DGKD: variants seen among roughly 807,000 people sequenced by gnomAD.
The protein encoded by DGKD is diacylglycerol kinase delta, also known as DAG kinase delta.
A neutral mutation model predicts 154.4 loss-of-function variants in DGKD; 68 were observed. The observed-to-expected ratio is 0.44, with a 90% CI of 0.36 to 0.54. The LOEUF (loss-of-function observed/expected upper bound fraction) is 0.54, where lower values mean the gene tolerates loss of function less well. Among genes scored for constraint, DGKD ranks in the 20% least tolerant of loss-of-function variants. The probability of loss-of-function intolerance (pLI) is 0.00; values close to 1 mark genes in which losing one functional copy is unlikely to be tolerated. For synonymous variants in DGKD, 693 were observed against 638.0 expected, an observed-to-expected ratio of 1.09 and a Z score of -1.30; for missense variants, 1,343 against 1,593.6, an observed-to-expected ratio of 0.84 and a Z score of 2.68.
intron 1 of DGKD, chr2:233,388,023 A>ACACCC (rs1167928831): frequency 1.2e-6 from 1 of 865,030 alleles, no homozygotes; most frequent in Non-Finnish European, 1.6e-6. Context: ...GGGCCTCTTG[A>ACACCC]CACCCCCACC....
chr2:233,380,890 C>T (rs540178375), intron 1 of DGKD, among the ~76,000 whole-genome samples: 27 of 152,148 alleles, frequency 1.8e-4, no homozygotes, highest in East Asian at 7.7e-4. Flanking sequence ...CTCCTCCTGT[C>T]GGTGGAGGCT....
intron 6 of DGKD, 48 bp from the exon 7 acceptor site, chr2:233,436,268 C>T (rs759224250): frequency 2.4e-5 from 38 of 1,610,484 alleles, no homozygotes; most frequent in Admixed American, 1.2e-4. Context: ...CTGCCCTGGA[C>T]GTGGAACCTT....
intron 23 of DGKD, 99 bp from the exon 24 acceptor site, chr2:233,460,095 C>T (rs1240765107): frequency 3.3e-6 from 5 of 1,509,874 alleles, no homozygotes; most frequent in South Asian, 1.4e-5. Flanking sequence ...TCCTATTTGT[C>T]TCTTTCTAGT....
intron 3 of DGKD, among the ~76,000 whole-genome samples, chr2:233,429,732 G>A (rs2062444165): frequency 6.6e-6 from 1 of 152,240 alleles, no homozygotes; most frequent in South Asian, 2.1e-4. Context: ...AACAGCAGCA[G>A]GGCAGAAGGC....
At chr2:233,447,610 T>C (rs950113995) in intron 12 of DGKD, 4 of 986,892 alleles carry the variant, frequency 4.1e-6, no homozygotes, top group Non-Finnish European at 2.4e-6. Context: ...ACCCTGGGGC[T>C]GGGTCCTAAG....
At chr2:233,446,281 A>T (rs1383923424) in intron 11 of DGKD, among the ~76,000 whole-genome samples, 2 of 152,158 alleles carry the variant, frequency 1.3e-5, no homozygotes, top group African/African-American at 4.8e-5. Flanking sequence ...GATGCCTCCT[A>T]GCCTTCCTAG....
At chr2:233,411,379 T>C (rs951075709) in intron 3 of DGKD, among the ~76,000 whole-genome samples, 4 of 152,248 alleles carry the variant, frequency 2.6e-5, no homozygotes. Flanking sequence ...TTTAATTTTA[T>C]GTGTCCTAAT....
In DGKD at chr2:233,445,670, A is replaced by G. The variant is rs1216559861; in HGVS notation, c.1242A>G (p.Arg414=). 3.1e-6 allele frequency: 5 copies of G among 1,613,228 alleles called. No homozygotes were observed. Among genetic ancestry groups the G allele is most frequent in the Non-Finnish European group, 4.2e-6 (5 of 1,179,688 alleles). The change falls in exon 11 of 30, where the codon CGA becomes CGG. Residue 414 remains arginine, a synonymous_variant. Transcript: ENST00000264057. This position sits in a 1 kb window ranked among gnomAD's most constrained non-coding sequence, Gnocchi z 5.5. The part of the protein sequence containing the change: ...LPLGTGNDLA[R]VLGWGSACDD... ...TCGGCACAGGGAACGACTTGGCCCG[A>G]GTACTGGGCTGGGGCTCAGCCTGCG...
At chr2:233,463,993 T>G in intron 26 of DGKD, 171 bp from the exon 27 acceptor site, 15 of 799,942 alleles carry the variant, frequency 1.9e-5, no homozygotes, top group Non-Finnish European at 2.7e-5. Flanking sequence ...ACTTAGAAAG[T>G]GAGGTTCTGG....
chr2:233,458,243 G>A lies in DGKD; in HGVS notation c.2581-41G>A, dbSNP rs1352996305. On this transcript the variant is annotated intron_variant, in intron 21 of 29. Transcript: ENST00000264057. This position sits in a 1 kb window ranked among gnomAD's most constrained non-coding sequence, Gnocchi z 6.6. The stretch of plus-strand genomic sequence containing the variant: ...AGGGTAGGGGCGGCCTGTGCTCGGG[G>A]ATGTGTGGAGTGGTGGTCAGCTCTA... The A allele has an allele frequency of 7.2e-7, 1 of 1,391,730 alleles. No homozygotes were observed. Among genetic ancestry groups the A allele is most frequent in the East Asian group, 2.3e-5 (1 of 43,230 alleles). The allele number at this position is 1,391,730 out of a possible 1,614,324, so 86.2% of individuals were successfully genotyped here. A position where few individuals can be genotyped will look rare whatever the true frequency, so the allele number is the denominator to read the frequency against.
intron 3 of DGKD, among the ~76,000 whole-genome samples, chr2:233,413,603 C>T (rs953306627): frequency 1.3e-5 from 2 of 152,140 alleles, no homozygotes; most frequent in Non-Finnish European, 2.9e-5. Context: ...ACTGTAAATG[C>T]CTGTGGGGTT....
chr2:233,429,425 G>A (rs984846694), intron 3 of DGKD: 1 of 705,774 alleles, frequency 1.4e-6, no homozygotes, highest in Non-Finnish European at 1.7e-6. Flanking sequence ...GGACGGTGCC[G>A]ATGACATGCA....
At chr2:233,456,605 AG>A (rs2063468875) in intron 19 of DGKD, among the ~76,000 whole-genome samples, 1 of 152,310 alleles carries the variant, frequency 6.6e-6, no homozygotes, top group East Asian at 1.9e-4. Context: ...CAGGATGTGT[AG>A]AAGTTTTTTT....
intron 1 of DGKD, among the ~76,000 whole-genome samples, chr2:233,380,879 T>C (rs1702864845): frequency 6.6e-6 from 1 of 152,046 alleles, no homozygotes; most frequent in Non-Finnish European, 1.5e-5. Context: ...ATGAGGTGTC[T>C]CTCCTCCTGT....
In DGKD at chr2:233,416,644, G is replaced by A. The variant is rs559295425; in HGVS notation, c.349-17736G>A. Among the ~76,000 whole-genome samples the A allele has an allele frequency of 2.0e-4, 30 of 152,276 alleles. No homozygotes were observed. In the South Asian group the frequency reaches 5.8e-3, roughly 29 times the overall value. ...AGAAAAATGGATAAATTATGACAGC[G>A]TGGTGGCTGTCAGACTTAAGAATGC... On this transcript the variant is annotated intron_variant, in intron 3 of 29. Transcript: ENST00000264057.
intron 1 of DGKD, among the ~76,000 whole-genome samples, chr2:233,380,231 T>G (rs972688518): frequency 1.3e-5 from 2 of 152,130 alleles, no homozygotes; most frequent in African/African-American, 2.4e-5. Flanking sequence ...AGAGGAAACG[T>G]GGGGGTCAGT....
chr2:233,413,950 G>A (rs1575071922), intron 3 of DGKD, among the ~76,000 whole-genome samples: 1 of 152,194 alleles, frequency 6.6e-6, no homozygotes, highest in Admixed American at 6.5e-5. Context: ...GAGGAATAAG[G>A]AAAGCCATTG....
chr2:233,422,302 G>A (rs1235241468), intron 3 of DGKD, among the ~76,000 whole-genome samples: 1 of 152,242 alleles, frequency 6.6e-6, no homozygotes, highest in Non-Finnish European at 1.5e-5. Context: ...CTCAAGCACT[G>A]TTGTGTTTAG....
chr2:233,371,127 A>C (rs1265067803), intron 1 of DGKD, among the ~76,000 whole-genome samples: 2 of 152,132 alleles, frequency 1.3e-5, no homozygotes, highest in Non-Finnish European at 2.9e-5. Flanking sequence ...CTTATTGAGG[A>C]GCTGCTAAAC....
Sources: allele counts gnomAD v4.1 joint callset (sites outside exome capture counted in the v4.1 genomes callset), GRCh38; gene constraint gnomAD v4.1.1; non-coding constraint Gnocchi (gnomAD v3.1); transcripts MANE v1.5; gene names NCBI Gene and HGNC (gene_info 2026-07-23, HGNC 2026-07-21).